The following JHY variants were observed in gnomAD, a reference collection of about 807,000 sequenced individuals.
The protein encoded by JHY is jhy protein homolog.
A neutral mutation model predicts 78.0 loss-of-function variants in JHY; 69 were observed. The observed-to-expected ratio is 0.88, with a 90% CI of 0.73 to 1.08. JHY has a LOEUF of 1.08. Among genes scored for constraint, JHY ranks in the 50% least tolerant of loss-of-function variants. JHY has a pLI of 0.00. For missense variants in JHY, 944 were observed against 927.8 expected (o/e 1.02, Z -0.23); for synonymous variants, 368 against 342.6 (o/e 1.07, Z -0.82).
At chr11:122,884,757 G>A (rs971265353) in intron 1 of JHY, among the ~76,000 whole-genome samples, 12 of 152,198 alleles carry the variant, frequency 7.9e-5, no homozygotes, top group Middle Eastern at 3.4e-3. Flanking sequence ...GCTTTGGATC[G>A]CTCAGTGGCA....
chr11:122,958,613 C>T (rs1864241723), intron 8 of JHY: 2 of 519,674 alleles, frequency 3.8e-6, no homozygotes, highest in Non-Finnish European at 4.9e-6. Context: ...TCAACAACAT[C>T]TTACTAAAAT....
chr11:122,963,706 A>G lies in JHY; in HGVS notation c.*4261A>G, dbSNP rs930983. Among the ~76,000 whole-genome samples the G allele has an allele frequency of 0.47, 71,436 of 152,006 alleles. 17,742 individuals carry two copies. The highest frequency in any genetic ancestry group is 0.56 in the Non-Finnish European group (38,185 of 67,922). The stretch of plus-strand genomic sequence containing the variant: ...TGTTTCAAATATTCAAAAGCAAAAA[A>G]TAATCTGCCAATTAGAAAACAAAAA... On this transcript the variant is annotated 3_prime_UTR_variant, in exon 9 of 9. Coordinates refer to ENST00000227349, the MANE Select transcript of JHY (RefSeq NM_024806.4).
chr11:122,905,662 G>A, intron 3 of JHY: 1 of 879,174 alleles, frequency 1.1e-6, no homozygotes, highest in South Asian at 5.2e-5. Flanking sequence ...GAGGCCACGA[G>A]TTCAAGACCA....
intron 6 of JHY, among the ~76,000 whole-genome samples, chr11:122,950,329 G>T (rs1864061528): frequency 6.6e-6 from 1 of 152,130 alleles, no homozygotes; most frequent in Non-Finnish European, 1.5e-5. Flanking sequence ...CATTTTCGAG[G>T]TGAGGACAGC....
intron 6 of JHY, among the ~76,000 whole-genome samples, chr11:122,951,534 T>G (rs1448862951): frequency 6.6e-6 from 1 of 152,192 alleles, no homozygotes; most frequent in Non-Finnish European, 1.5e-5. Flanking sequence ...TTTGTCGTGT[T>G]TTTCAGTAAC....
At chr11:122,914,147 T>C (rs902281835) in intron 3 of JHY, among the ~76,000 whole-genome samples, 1 of 152,216 alleles carries the variant, frequency 6.6e-6, no homozygotes. Flanking sequence ...AAATGAGATA[T>C]GCAATGTGAA....
At chr11:122,944,427 G>A (rs1863926913) in intron 5 of JHY, among the ~76,000 whole-genome samples, 1 of 151,780 alleles carries the variant, frequency 6.6e-6, no homozygotes, top group African/African-American at 2.4e-5. Context: ...TACTTAACTA[G>A]TCTAGCATTA....
chr11:122,932,122 T>C lies in JHY; in HGVS notation c.979-2298T>C, dbSNP rs1266978836. On this transcript the variant is annotated intron_variant, in intron 4 of 8. Coordinates refer to ENST00000227349, the MANE Select transcript of JHY (RefSeq NM_024806.4). ...AATCGTCTGAGAATGGCTTTGTATA[T>C]TAACTTCAGGGAACTCAGGTCTTGC... is the stretch of plus-strand genomic sequence containing the variant. Among the ~76,000 whole-genome samples, 4 of 152,202 alleles carry C rather than the reference T, an allele frequency of 2.6e-5. No individual in the cohort carries two copies. In the East Asian group the frequency reaches 5.8e-4, roughly 22 times the overall value.
chr11:122,904,569 C>A, intron 3 of JHY, 125 bp downstream of exon 3: 1 of 1,065,126 alleles, frequency 9.4e-7, no homozygotes, highest in Non-Finnish European at 1.4e-6. Flanking sequence ...CTGGGTAAAA[C>A]AAACGCTTCC....
chr11:122,961,196 A>G lies in JHY; in HGVS notation c.*1751A>G, dbSNP rs1864306835. ...TGCCCTCTACTGAAGTAGATAGTTT[A>G]TATCTCCTAAAAATGAAACATTTGT... On this transcript the variant is annotated 3_prime_UTR_variant, in exon 9 of 9. Transcript: ENST00000227349. The G allele has an allele frequency of 4.1e-6, 2 of 488,494 alleles. No individual in the cohort carries two copies. Among genetic ancestry groups the G allele is most frequent in the South Asian group, 2.3e-5 (1 of 44,426 alleles). The allele number at this position is 488,494 out of a possible 1,614,324, so 30.3% of individuals were successfully genotyped here.
intron 6 of JHY, among the ~76,000 whole-genome samples, chr11:122,950,162 C>T (rs774347612): frequency 5.3e-5 from 8 of 152,120 alleles, no homozygotes; most frequent in East Asian, 1.9e-4. Context: ...TCACAGGTAA[C>T]TTCTTTTTCC....
intron 6 of JHY, among the ~76,000 whole-genome samples, chr11:122,953,498 A>T (rs1416192852): frequency 6.6e-6 from 1 of 150,748 alleles, no homozygotes; most frequent in Non-Finnish European, 1.5e-5. Flanking sequence ...GCTACTTGGG[A>T]GGCTGAGGCA....
At chr11:122,929,805 G>A (rs991964969) in intron 4 of JHY, among the ~76,000 whole-genome samples, 3 of 152,170 alleles carry the variant, frequency 2.0e-5, no homozygotes, top group Non-Finnish European at 4.4e-5. Context: ...GTTTAAAATT[G>A]TTCAATCTGG....
At position 122,886,043 on chromosome 11, in the gene JHY, G is replaced by A. The variant is rs1227556628; in HGVS notation, c.194G>A (p.Arg65Gln). 1.3e-5 allele frequency: 21 copies of A among 1,613,978 alleles called. No individual in the cohort carries two copies. Among genetic ancestry groups the A allele is most frequent in the East Asian group, 2.2e-5 (1 of 44,882 alleles). Residue 65 changes from arginine to glutamine, a missense_variant, in exon 2 of 9, where the codon CGG (arginine) becomes CAG (glutamine). By Grantham distance (43) the Arg-to-Gln change is conservative (BLOSUM62 1). Coordinates refer to ENST00000227349, the MANE Select transcript of JHY (RefSeq NM_024806.4). ...MCHSEFDDRI[R>Q]GNGMEPDSLD... ...CATTCTGAGTTTGATGATCGAATCC[G>A]GGGCAACGGTATGGAGCCCGACAGC...
intron 3 of JHY, chr11:122,905,702 A>G: frequency 1.3e-5 from 7 of 558,326 alleles, no homozygotes; most frequent in Non-Finnish European, 1.4e-5. Context: ...ACCCATCTAT[A>G]CCAAAAATAC....
At position 122,885,580 on chromosome 11, in the gene JHY, G is replaced by A. The variant is rs151036554; in HGVS notation, c.-89-181G>A. 3.9e-5 allele frequency among the ~76,000 whole-genome samples: 6 copies of A among 152,234 alleles called. No homozygotes were observed. The East Asian group carries it at 1.2e-3, about 29-fold the overall frequency. On this transcript the variant is annotated intron_variant, in intron 1 of 8. Transcript: ENST00000227349. ...TGCTTATGAGCGCTACATCAGATGT[G>A]TTTCTGCAGAGAGAAAAACAATTGT... is the stretch of plus-strand genomic sequence containing the variant.
chr11:122,905,426 T>C, intron 3 of JHY: 1 of 1,417,326 alleles, frequency 7.1e-7, no homozygotes, highest in Non-Finnish European at 9.2e-7. Flanking sequence ...TAAATGTGGT[T>C]GCCCTTAGAC....
intron 2 of JHY, among the ~76,000 whole-genome samples, chr11:122,901,561 G>A (rs927301521): frequency 1.4e-5 from 2 of 147,524 alleles, no homozygotes; most frequent in Non-Finnish European, 3.0e-5. Flanking sequence ...TATTCTGTAA[G>A]TAAGCTTTTT....
chr11:122,905,889 A>C (rs943688297), intron 3 of JHY: 1 of 152,142 alleles, frequency 6.6e-6, no homozygotes, highest in Non-Finnish European at 1.5e-5. Flanking sequence ...TAAAAATAAA[A>C]AAAGAATGAT....
Sources: gnomAD v4.1 joint callset for allele counts (sites outside exome capture counted in the v4.1 genomes callset) on GRCh38, gnomAD v4.1.1 for gene constraint, MANE v1.5 for transcripts, NCBI Gene and HGNC (gene_info 2026-07-23, HGNC 2026-07-21) for gene names.